KALRN: variants seen among roughly 807,000 people sequenced by gnomAD.
The protein encoded by KALRN is kalirin.
In KALRN, 70 loss-of-function variants were observed where a neutral mutation model predicts 353.7. That is an observed-to-expected ratio of 0.20 (90% CI 0.16 to 0.24). The LOEUF is 0.24. Ranked by LOEUF, KALRN falls within the 10% of genes least tolerant of loss-of-function variation. KALRN has a pLI of 1.00. For missense variants in KALRN, 2,791 were observed against 3,756.7 expected (o/e 0.74, Z 6.72); for synonymous variants, 1,391 against 1,434.8 (o/e 0.97, Z 0.69).
intron 16 of KALRN, among the ~76,000 whole-genome samples, chr3:124,432,298 C>T (rs979477688): frequency 6.6e-6 from 1 of 152,034 alleles, no homozygotes; most frequent in Non-Finnish European, 1.5e-5. Context: ...CTTGTAATCC[C>T]AGCTACTCGG....
At chr3:124,079,382 TTA>T (rs2060423657) in intron 1 of KALRN, among the ~76,000 whole-genome samples, 1 of 152,218 alleles carries the variant, frequency 6.6e-6, no homozygotes, top group Non-Finnish European at 1.5e-5. Context: ...TGAATGATAC[TTA>T]CATGTTTCTT....
intron 1 of KALRN, among the ~76,000 whole-genome samples, chr3:124,054,743 C>T (rs1475043934): frequency 5.3e-5 from 8 of 152,170 alleles, no homozygotes; most frequent in Middle Eastern, 3.2e-3. Context: ...ATTTGTATCT[C>T]GGCAGTAGGA....
At chr3:124,484,856 C>T (rs1335069704) in intron 28 of KALRN, among the ~76,000 whole-genome samples, 1 of 152,214 alleles carries the variant, frequency 6.6e-6, no homozygotes, top group Non-Finnish European at 1.5e-5. Flanking sequence ...GTAATCCCAG[C>T]ACTTTGGGAG....
intron 5 of KALRN, among the ~76,000 whole-genome samples, chr3:124,275,126 C>G (rs556447577): frequency 3.9e-5 from 6 of 152,356 alleles, no homozygotes; most frequent in Non-Finnish European, 2.9e-5. Context: ...ACAATACTCT[C>G]TCTTCATGAA....
At chr3:124,128,709 G>C (rs1180768473) in intron 1 of KALRN, among the ~76,000 whole-genome samples, 1 of 152,146 alleles carries the variant, frequency 6.6e-6, no homozygotes, top group African/African-American at 2.4e-5. Flanking sequence ...TGGAGAAGAA[G>C]TGAGCCTTCT....
At chr3:124,654,940 G>A (rs1317767739) in intron 38 of KALRN, among the ~76,000 whole-genome samples, 1 of 152,190 alleles carries the variant, frequency 6.6e-6, no homozygotes, top group Non-Finnish European at 1.5e-5. Context: ...AAATGTCCTT[G>A]TAATTGTTAA....
intron 33 of KALRN, among the ~76,000 whole-genome samples, chr3:124,521,690 T>G (rs1431661123): frequency 1.3e-5 from 2 of 152,022 alleles, no homozygotes; most frequent in African/African-American, 4.8e-5. Context: ...TCCCTCAGGG[T>G]GGCACTTACC....
chr3:124,211,780 G>C (rs923697672), intron 1 of KALRN, among the ~76,000 whole-genome samples: 2 of 152,156 alleles, frequency 1.3e-5, no homozygotes, highest in Admixed American at 6.5e-5. Context: ...CGATTTTAGA[G>C]GAGTGGTGGC....
chr3:124,086,545 T>G (rs2149344011), intron 1 of KALRN, among the ~76,000 whole-genome samples: 1 of 152,282 alleles, frequency 6.6e-6, no homozygotes. Context: ...CTTAATGGTT[T>G]CTAGGAACTT....
intron 34 of KALRN, among the ~76,000 whole-genome samples, chr3:124,602,936 C>T (rs1424933145): frequency 1.8e-5 from 1 of 55,266 alleles, no homozygotes; most frequent in Non-Finnish European, 3.4e-5. Flanking sequence ...TTCCAGTTTT[C>T]GTGGTTTTTT....
In KALRN at chr3:124,658,492, T is replaced by G; in HGVS notation, c.6098T>G (p.Val2033Gly). The change falls in exon 42 of 60, where the codon GTT (valine) becomes GGT (glycine). Residue 2033 changes from valine (V) to glycine (G), a missense_variant. Val to Gly is a moderately radical substitution (Grantham distance 109). Coordinates refer to ENST00000682506, the MANE Select transcript of KALRN (RefSeq NM_001388419.1). ...AATAAGCCGCGCTCAGAGTACATCG[T>G]TGCTGAGTATGACGCCTACTTTGAG... is the stretch of plus-strand genomic sequence containing the variant. Reference protein sequence around the residue: ...CQNKPRSEYIVAEYDAYFEEV... With the variant: ...CQNKPRSEYIGAEYDAYFEEV... The G allele has an allele frequency of 6.2e-7, 1 of 1,614,046 alleles. No individual in the cohort carries two copies. Among genetic ancestry groups the G allele is most frequent in the Non-Finnish European group, 8.5e-7 (1 of 1,179,870 alleles).
chr3:124,097,956 G>T (rs1159057431), intron 1 of KALRN, among the ~76,000 whole-genome samples: 14 of 152,154 alleles, frequency 9.2e-5, no homozygotes. Context: ...CTATGGTGGG[G>T]ACTGTCTATC....
intron 49 of KALRN, chr3:124,677,649 C>T (rs990289051): frequency 3.5e-5 from 16 of 453,884 alleles, no homozygotes; most frequent in Admixed American, 3.3e-4. Context: ...CAAATGTCTG[C>T]CACAGAAAAT....
At chr3:124,158,958 G>T (rs1023687763) in intron 1 of KALRN, among the ~76,000 whole-genome samples, 9 of 152,066 alleles carry the variant, frequency 5.9e-5, no homozygotes, top group Non-Finnish European at 8.8e-5. Context: ...ACCCCTTAAC[G>T]GGTCCTGTTG....
In KALRN at chr3:124,725,396, A is replaced by G. The variant is rs1159399445; in HGVS notation, c.*5926A>G. 3.3e-5 allele frequency: 5 copies of G among 152,316 alleles called. No homozygotes were observed. Among genetic ancestry groups the G allele is most frequent in the Non-Finnish European group, 7.4e-5 (5 of 68,026 alleles). 9.4% of individuals were successfully genotyped at this position (152,316 alleles called of 1,614,324 possible). On this transcript the variant is annotated 3_prime_UTR_variant, in exon 60 of 60. Coordinates refer to ENST00000682506, the MANE Select transcript of KALRN (RefSeq NM_001388419.1). ...ATGAAGACTGAAAAAAACTAAACAT[A>G]CTCTTCATAATGAGATCCTGTTCAG...
chr3:124,682,276 C>T (rs2061375542), intron 51 of KALRN, among the ~76,000 whole-genome samples: 1 of 152,190 alleles, frequency 6.6e-6, no homozygotes, highest in African/African-American at 2.4e-5. Flanking sequence ...CATTCCCAGA[C>T]CCAGCCTGGC....
chr3:124,667,276 C>T, intron 47 of KALRN, 93 bp downstream of exon 47: 4 of 1,139,586 alleles, frequency 3.5e-6, no homozygotes, highest in East Asian at 5.2e-5. Context: ...GAGTTATGAA[C>T]CCAGATCACA....
chr3:124,637,375 C>A, intron 37 of KALRN, 72 bp downstream of exon 37: 1 of 1,105,650 alleles, frequency 9.0e-7, no homozygotes, highest in Non-Finnish European at 1.4e-6. Flanking sequence ...CATCTGTCTG[C>A]CGTTTTCTCC....
At chr3:124,504,801 G>A (rs2065028050) in intron 33 of KALRN, 1 of 466,804 alleles carries the variant, frequency 2.1e-6, no homozygotes, top group Admixed American at 2.4e-5. Flanking sequence ...GGACTGAGCT[G>A]CCAGAACCAG....
Sources: allele counts gnomAD v4.1 joint callset (sites outside exome capture counted in the v4.1 genomes callset), GRCh38; gene constraint gnomAD v4.1.1; transcripts MANE v1.5; gene names NCBI Gene and HGNC (gene_info 2026-07-23, HGNC 2026-07-21).